Variants in GEMIN8 observed in about 807,000 individuals in gnomAD.
GEMIN8 encodes gem nuclear organelle associated protein 8.
For synonymous variants in GEMIN8, 80 were observed against 78.5 expected, an observed-to-expected ratio of 1.02 and a Z score of -0.10; for missense variants, 185 against 205.9, an observed-to-expected ratio of 0.90 and a Z score of 0.62.
intron 2 of GEMIN8, among the ~76,000 whole-genome samples, chrX:14,022,563 C>T (rs190556535): frequency 9.0e-6 from 1 of 110,882 alleles, no homozygotes; most frequent in South Asian, 3.7e-4. Flanking sequence ...AATGGCTAAT[C>T]TGCAGCTGTA....
the GEMIN8 span, among the ~76,000 whole-genome samples, chrX:13,989,344 C>T: frequency 9.0e-6 from 1 of 111,294 alleles, no homozygotes; most frequent in East Asian, 2.8e-4. Context: ...CTCAAGCTAT[C>T]CTCCTGCCTC....
chrX:13,990,997 G>A, the GEMIN8 span, among the ~76,000 whole-genome samples: 1 of 112,637 alleles, frequency 8.9e-6, no homozygotes, highest in African/African-American at 3.2e-5. Flanking sequence ...CCACCAAAGT[G>A]CTGAGATTAC....
intron 4 of GEMIN8, among the ~76,000 whole-genome samples, chrX:14,017,110 A>C (rs1923986015): frequency 9.2e-6 from 1 of 109,218 alleles, no homozygotes; most frequent in Non-Finnish European, 1.9e-5. Context: ...CTTCATAATT[A>C]CTACCCACTA....
rs377508071 is a variant in GEMIN8, at chrX:14,007,817, G to A, written c.*1096C>T. Among the ~76,000 whole-genome samples, 14 of 110,454 alleles carry A rather than the reference G, an allele frequency of 1.3e-4. No individual in the cohort carries two copies. In the South Asian group the frequency reaches 3.5e-3, roughly 28 times the overall value. ...GCTGGGATTACAGGCATGAGCCACC[G>A]CGCCGGGCCGGAATTATTGTTCTTT... is the stretch of plus-strand genomic sequence containing the variant. On this transcript the variant is annotated 3_prime_UTR_variant, in exon 5 of 5. Transcript: ENST00000680255.
intron 2 of GEMIN8, among the ~76,000 whole-genome samples, chrX:14,025,671 A>G (rs764976069): frequency 8.0e-4 from 90 of 112,123 alleles, no homozygotes; most frequent in African/African-American, 2.9e-3. Context: ...AACACTCTCC[A>G]TGACTAAATA....
chrX:13,999,271 ATTTTTTT>A, the GEMIN8 span, among the ~76,000 whole-genome samples: 1 of 88,929 alleles, frequency 1.1e-5, no homozygotes, highest in Non-Finnish European at 2.2e-5. Context: ...CTGTATGTAG[ATTTTTTT>A]TTTTTTTTTT....
intron 4 of GEMIN8, chrX:14,014,628 A>C (rs913923180): frequency 1.9e-5 from 9 of 464,504 alleles, no homozygotes; most frequent in Non-Finnish European, 2.4e-5. Context: ...AAGACAGCTC[A>C]CTAAATACTG....
chrX:13,987,781 A>C, the GEMIN8 span, among the ~76,000 whole-genome samples: 1 of 111,874 alleles, frequency 8.9e-6, no homozygotes, highest in Non-Finnish European at 1.9e-5. Context: ...CAAATGGCTT[A>C]AAAGTATGGA....
At chrX:13,986,049 T>C in the GEMIN8 span, among the ~76,000 whole-genome samples, 1 of 112,253 alleles carries the variant, frequency 8.9e-6, no homozygotes, top group African/African-American at 3.2e-5. Flanking sequence ...TACTGCTATT[T>C]CTACTGTGCT....
At chrX:14,021,816 ATATATATATATATATATATATATATATAG>A (rs1239597244) in intron 2 of GEMIN8, among the ~76,000 whole-genome samples, 1 of 39,233 alleles carries the variant, frequency 2.5e-5, no homozygotes, top group Non-Finnish European at 4.7e-5. Context: ...ATGTGTGTGT[ATATATATATATATATATATATATATATAG>A]TATATATATA....
the GEMIN8 span, among the ~76,000 whole-genome samples, chrX:13,989,232 G>A: frequency 1.8e-5 from 2 of 110,559 alleles, no homozygotes; most frequent in Non-Finnish European, 3.8e-5. Flanking sequence ...GGGACTACAG[G>A]TGCATGCCAC....
At chrX:13,987,839 C>G in the GEMIN8 span, among the ~76,000 whole-genome samples, 1 of 111,948 alleles carries the variant, frequency 8.9e-6, no homozygotes, top group Non-Finnish European at 1.9e-5. Context: ...CAGGCTAATT[C>G]AGGTAGTCAG....
intron 2 of GEMIN8, 28 bp from the exon 3 acceptor site, chrX:14,021,539 G>T: frequency 9.2e-7 from 1 of 1,083,163 alleles, no homozygotes; most frequent in Non-Finnish European, 1.3e-6. Flanking sequence ...CAGTGCAAAC[G>T]TCTGATCAGT....
chrX:14,001,854 G>T (rs1184571317), downstream of GEMIN8, among the ~76,000 whole-genome samples: 5 of 106,285 alleles, frequency 4.7e-5, no homozygotes, highest in South Asian at 8.7e-4. Context: ...CTGGCTTGGT[G>T]GCTCACGCCT....
chrX:13,993,173 C>T, the GEMIN8 span, among the ~76,000 whole-genome samples: 2 of 111,874 alleles, frequency 1.8e-5, no homozygotes, highest in Non-Finnish European at 3.8e-5. Flanking sequence ...CATTCCTAAC[C>T]TTTGTAAAGA....
At chrX:13,998,129 G>A in the GEMIN8 span, among the ~76,000 whole-genome samples, 3 of 102,790 alleles carry the variant, frequency 2.9e-5, no homozygotes, top group African/African-American at 1.1e-4. Flanking sequence ...TGACTGGAGT[G>A]CAGTGGGGCA....
chrX:13,992,755 C>T, the GEMIN8 span, among the ~76,000 whole-genome samples: 19 of 111,804 alleles, frequency 1.7e-4, no homozygotes, highest in African/African-American at 5.8e-4. Flanking sequence ...TCGTGCCATG[C>T]TTGTAGGCCA....
At chrX:14,016,693 A>T (rs865780884) in intron 4 of GEMIN8, among the ~76,000 whole-genome samples, 162 of 105,677 alleles carry the variant, frequency 1.5e-3, no homozygotes, top group African/African-American at 5.0e-3. Flanking sequence ...ACTAATAAAA[A>T]AATTAGCTGG....
At chrX:13,995,300 G>A in the GEMIN8 span, among the ~76,000 whole-genome samples, 15 of 111,870 alleles carry the variant, frequency 1.3e-4, no homozygotes, top group African/African-American at 4.2e-4. Flanking sequence ...CTTTGGACAA[G>A]TTACTTAATC....
Sources: gnomAD v4.1 joint callset for allele counts (sites outside exome capture counted in the v4.1 genomes callset) on GRCh38, gnomAD v4.1.1 for gene constraint, MANE v1.5 for transcripts, NCBI Gene and HGNC (gene_info 2026-07-23, HGNC 2026-07-21) for gene names.